The following LDAF1 variants were observed in gnomAD, a reference collection of about 807,000 sequenced individuals.
The protein encoded by LDAF1 is lipid droplet assembly factor 1, also known as PROMETHIN.
A neutral mutation model predicts 13.5 loss-of-function variants in LDAF1; 7 were observed. The observed-to-expected ratio is 0.52, with a 90% CI of 0.29 to 0.97. The LOEUF (loss-of-function observed/expected upper bound fraction) is 0.97. Ranked by LOEUF, LDAF1 falls within the 50% of genes least tolerant of loss-of-function variation. LDAF1 has a pLI of 0.07. For synonymous variants in LDAF1, 69 were observed against 77.1 expected (o/e 0.89, Z 0.55); for missense variants, 148 against 193.2 (o/e 0.77, Z 1.39).
At chr16:21,159,226 G>T in intron 1 of LDAF1, 2 of 1,075,276 alleles carry the variant, frequency 1.9e-6, no homozygotes, top group Non-Finnish European at 2.9e-6. Context: ...TATCAAAGGG[G>T]GCTTCTTTAC....
intron 4 of LDAF1, among the ~76,000 whole-genome samples, chr16:21,176,712 ATAAAT>A (rs760005843): frequency 6.6e-5 from 10 of 152,068 alleles, no homozygotes; most frequent in East Asian, 1.9e-4. Context: ...ATACAATAAA[ATAAAT>A]TAAAATAAAC....
Position 21,169,240 on chromosome 16 carries a change from C to G in LDAF1, c.97-1197C>G, listed in dbSNP as rs903509314. The G allele has an allele frequency of 3.7e-6, 3 of 806,148 alleles. No homozygotes were observed. The Admixed American group carries it at 1.9e-4, about 50-fold the overall frequency. 49.9% of individuals were successfully genotyped at this position (806,148 alleles called of 1,614,324 possible). A position where few individuals can be genotyped will look rare whatever the true frequency, so the allele number is the denominator to read the frequency against. ...CTTCTCAAACTTTAATGTGTATGCACGACACCTGGGGAATCTTGTTTAAAA... is the reference window on the plus strand; with the variant it reads ...CTTCTCAAACTTTAATGTGTATGCAGGACACCTGGGGAATCTTGTTTAAAA... On this transcript the variant is annotated intron_variant, in intron 2 of 4. Transcript: ENST00000233047.
intron 2 of LDAF1, among the ~76,000 whole-genome samples, chr16:21,170,059 A>G (rs1233510758): frequency 6.6e-6 from 1 of 151,702 alleles, no homozygotes; most frequent in Non-Finnish European, 1.5e-5. Context: ...CTGGAGTGCA[A>G]TGGTGCAACC....
At position 21,174,092 on chromosome 16, in the gene LDAF1, GATGATAGCATCTT is replaced by G; in HGVS notation, c.352_364del (p.Ile118Ter). 1 of 1,614,110 alleles carries G rather than the reference GATGATAGCATCTT, an allele frequency of 6.2e-7. No individual in the cohort carries two copies. The highest frequency in any genetic ancestry group is 8.5e-7 in the Non-Finnish European group (1 of 1,179,998). On this transcript the variant is annotated frameshift_variant, in exon 4 of 5. Coordinates refer to ENST00000233047, the MANE Select transcript of LDAF1 (RefSeq NM_001301771.2). LOFTEE classifies it high-confidence loss of function. The stretch of plus-strand genomic sequence containing the variant: ...TCGTATCACTCGCCATGTCGGGGAT[GATGATAGCATCTT>G]ATGTAGTGGTCTCCAGCCTCATCAG...
At chr16:21,168,797 A>G (rs2093053681) in intron 2 of LDAF1, among the ~76,000 whole-genome samples, 1 of 130,722 alleles carries the variant, frequency 7.6e-6, no homozygotes, top group African/African-American at 2.9e-5. Flanking sequence ...TATAAATATA[A>G]TTATATTTTT....
At chr16:21,162,688 T>C (rs1266378198) in intron 2 of LDAF1, among the ~76,000 whole-genome samples, 4 of 152,212 alleles carry the variant, frequency 2.6e-5, no homozygotes, top group African/African-American at 9.6e-5. Context: ...CAGAATTTAT[T>C]TGGCACTCTT....
At chr16:21,167,692 G>GTTTTTTTTTTTT (rs2093037193) in intron 2 of LDAF1, among the ~76,000 whole-genome samples, 2 of 8,982 alleles carry the variant, frequency 2.2e-4, no homozygotes, top group African/African-American at 1.0e-3. Context: ...AAGACCTTAG[G>GTTTTTTTTTTTT]TTTGTTTTTT....
chr16:21,159,538 T>C, intron 1 of LDAF1: 1 of 1,156,660 alleles, frequency 8.6e-7, no homozygotes, highest in East Asian at 2.3e-5. Flanking sequence ...GGAGATTTAT[T>C]TGGAGCCTTG....
chr16:21,170,522 T>G lies in LDAF1; in HGVS notation c.182T>G (p.Met61Arg). Residue 61 changes from methionine (M) to arginine (R), a missense_variant, in exon 3 of 5, where the codon ATG becomes AGG. By Grantham distance (91) the Met-to-Arg change is moderately conservative (BLOSUM62 -1). Coordinates refer to ENST00000233047, the MANE Select transcript of LDAF1 (RefSeq NM_001301771.2). ...TTCACCTTGCTGGTGTTCATTGTCA[T>G]GTCGGCCGTTCCTGTTGGATTCTTC... ...LAFTLLVFIV[M>R]SAVPVGFFLL... is the part of the protein sequence containing the mutation. 1 of 1,614,208 alleles carries G rather than the reference T, an allele frequency of 6.2e-7. No individual in the cohort carries two copies. Among genetic ancestry groups the G allele is most frequent in the South Asian group, 1.1e-5 (1 of 91,086 alleles).
chr16:21,170,973 AT>A (rs1437079975), intron 3 of LDAF1, among the ~76,000 whole-genome samples: 1 of 152,224 alleles, frequency 6.6e-6, no homozygotes, highest in Non-Finnish European at 1.5e-5. Flanking sequence ...AGATATAATA[AT>A]ACAATCTCAA....
rs1485335053 is a variant in LDAF1, at chr16:21,159,538, T to G, written c.-99+792T>G. On this transcript the variant is annotated intron_variant, in intron 1 of 4. Transcript: ENST00000233047. ...GGGGTGGGAGGGCCAGGAGATTTAT[T>G]TGGAGCCTTGGAAGGGGAAAGGGTT... The G allele has an allele frequency of 3.0e-5, 35 of 1,156,542 alleles. 1 individual carries two copies. The South Asian group carries it at 4.5e-4, about 15-fold the overall frequency. 71.6% of individuals were successfully genotyped at this position (1,156,542 alleles called of 1,614,324 possible). A position where few individuals can be genotyped will look rare whatever the true frequency, so the allele number is the denominator to read the frequency against.
At chr16:21,162,808 C>T (rs569964255) in intron 2 of LDAF1, among the ~76,000 whole-genome samples, 1 of 152,322 alleles carries the variant, frequency 6.6e-6, no homozygotes, top group African/African-American at 2.4e-5. Flanking sequence ...CTGCCTGTTC[C>T]ACATTTACAG....
intron 2 of LDAF1, among the ~76,000 whole-genome samples, chr16:21,164,248 A>G (rs752745967): frequency 6.6e-6 from 1 of 151,630 alleles, no homozygotes; most frequent in Non-Finnish European, 1.5e-5. Context: ...AAAATTTTTT[A>G]TTTATTTTTT....
At chr16:21,170,309 G>T in intron 2 of LDAF1, 128 bp from the exon 3 acceptor site, 1 of 1,538,470 alleles carries the variant, frequency 6.5e-7, no homozygotes, top group South Asian at 1.3e-5. Flanking sequence ...GGCCTGTAGT[G>T]ACTTGTTAAT....
chr16:21,159,865 A>C (rs1446491023), intron 1 of LDAF1: 31 of 968,412 alleles, frequency 3.2e-5, no homozygotes, highest in Non-Finnish European at 3.8e-5. Flanking sequence ...TGCTTGCTGC[A>C]GAGATGAGAT....
chr16:21,171,784 C>T (rs955156703), intron 3 of LDAF1, among the ~76,000 whole-genome samples: 1 of 151,764 alleles, frequency 6.6e-6, no homozygotes, highest in African/African-American at 2.4e-5. Context: ...GTCGCCCAGC[C>T]TGGAATACAG....
chr16:21,168,487 TTAA>T (rs1036738540), intron 2 of LDAF1, among the ~76,000 whole-genome samples: 50 of 146,688 alleles, frequency 3.4e-4, no homozygotes, highest in Middle Eastern at 3.6e-3. Context: ...AATAATGCTT[TTAA>T]TAATAATGCT....
In LDAF1 at chr16:21,174,000, C is replaced by T; in HGVS notation, c.266-10C>T. 3 of 1,608,564 alleles carry T rather than the reference C, an allele frequency of 1.9e-6. No homozygotes were observed. The highest frequency in any genetic ancestry group is 2.5e-6 in the Non-Finnish European group (3 of 1,178,076). ...GATGAACCCTTCTCCTAACCACGTT[C>T]TCCTCCTAGGATTGGTCATCTCTGT... On this transcript the variant is annotated splice_polypyrimidine_tract_variant and intron_variant, in intron 3 of 4. Coordinates refer to ENST00000233047, the MANE Select transcript of LDAF1 (RefSeq NM_001301771.2).
intron 4 of LDAF1, among the ~76,000 whole-genome samples, 191 bp downstream of exon 4, chr16:21,174,339 G>T (rs375207984): frequency 1.3e-5 from 2 of 152,176 alleles, no homozygotes; most frequent in South Asian, 2.1e-4. Context: ...ACAGGTGCAT[G>T]CCATCATGCC....
Sources: gnomAD v4.1 joint callset for allele counts (sites outside exome capture counted in the v4.1 genomes callset) on GRCh38, gnomAD v4.1.1 for gene constraint, MANE v1.5 for transcripts, NCBI Gene and HGNC (gene_info 2026-07-23, HGNC 2026-07-21) for gene names.